HDAC4: variants seen among roughly 807,000 people sequenced by gnomAD.
HDAC4 encodes the protein histone deacetylase A.
Under a neutral mutation model 135.1 loss-of-function variants are expected in HDAC4, and 16 were observed. That is an observed-to-expected ratio of 0.12 (90% CI 0.08 to 0.18). The LOEUF (loss-of-function observed/expected upper bound fraction) is 0.18. HDAC4 is among the 10% of genes least tolerant of loss of function. HDAC4 has a pLI of 1.00. For missense variants in HDAC4, 1,143 were observed against 1,511.8 expected (o/e 0.76, Z 4.05); for synonymous variants, 685 against 653.4 (o/e 1.05, Z -0.74).
At chr2:239,362,036 G>A (rs762758150) in intron 1 of HDAC4, among the ~76,000 whole-genome samples, 5 of 152,190 alleles carry the variant, frequency 3.3e-5, no homozygotes, top group Non-Finnish European at 7.3e-5. Flanking sequence ...AATAATAGAC[G>A]AATGTGGACA....
intron 5 of HDAC4, among the ~76,000 whole-genome samples, chr2:239,174,753 G>C (rs976569078): frequency 1.3e-5 from 2 of 152,168 alleles, no homozygotes; most frequent in Non-Finnish European, 2.9e-5. Flanking sequence ...TAGAAGAAAT[G>C]ACTACATTGG....
upstream of HDAC4, chr2:239,401,346 C>T (rs1210642542): frequency 2.6e-5 from 4 of 153,062 alleles, no homozygotes; most frequent in African/African-American, 9.6e-5. Context: ...CCTCCCCGCA[C>T]GCGTCCTGGA....
At chr2:239,301,580 G>A (rs755598748) in intron 2 of HDAC4, among the ~76,000 whole-genome samples, 3 of 151,414 alleles carry the variant, frequency 2.0e-5, no homozygotes, top group Admixed American at 6.6e-5. Context: ...CTCCTAGCTC[G>A]AAGGATCCTC....
intron 15 of HDAC4, among the ~76,000 whole-genome samples, chr2:239,104,142 C>T (rs1013472939): frequency 6.6e-5 from 10 of 152,246 alleles, no homozygotes; most frequent in Non-Finnish European, 4.4e-5. Context: ...TCACATGTCC[C>T]TGGAAAGCCA....
intron 2 of HDAC4, among the ~76,000 whole-genome samples, chr2:239,294,981 G>A (rs1013416464): frequency 1.3e-5 from 2 of 152,202 alleles, no homozygotes; most frequent in Non-Finnish European, 2.9e-5. Context: ...TAGTGCTAGG[G>A]AACAGCTGCT....
At chr2:239,363,324 C>G (rs2125975321) in intron 1 of HDAC4, among the ~76,000 whole-genome samples, 1 of 152,282 alleles carries the variant, frequency 6.6e-6, no homozygotes, top group Admixed American at 6.5e-5. Context: ...CACAAAGAAC[C>G]TGAAATAGCA....
At chr2:239,213,049 C>T (rs891848254) in intron 3 of HDAC4, among the ~76,000 whole-genome samples, 1 of 152,198 alleles carries the variant, frequency 6.6e-6, no homozygotes, top group Non-Finnish European at 1.5e-5. Flanking sequence ...TCCCTGCAAT[C>T]GCCCAGGAAA....
intron 2 of HDAC4, among the ~76,000 whole-genome samples, chr2:239,350,215 T>C (rs1223416433): frequency 1.3e-5 from 2 of 151,692 alleles, no homozygotes; most frequent in African/African-American, 4.8e-5. Context: ...AAGAGAAATA[T>C]ATTATATTTT....
At chr2:239,190,803 G>C (rs1460782568) in intron 3 of HDAC4, among the ~76,000 whole-genome samples, 1 of 152,338 alleles carries the variant, frequency 6.6e-6, no homozygotes, top group African/African-American at 2.4e-5. Context: ...TAATTTTGAT[G>C]AGGAACAGAA....
intron 15 of HDAC4, among the ~76,000 whole-genome samples, chr2:239,106,823 G>A (rs990530561): frequency 6.6e-6 from 1 of 152,186 alleles, no homozygotes; most frequent in African/African-American, 2.4e-5. Flanking sequence ...CCAGCTCCAC[G>A]TGCTCACTCA....
chr2:239,194,356 TAAAA>T (rs2045220105), intron 3 of HDAC4, among the ~76,000 whole-genome samples: 5 of 152,340 alleles, frequency 3.3e-5, no homozygotes, highest in Admixed American at 3.3e-4. Flanking sequence ...AATTTCATCT[TAAAA>T]GGAATTTGTC....
chr2:239,147,470 C>T (rs913682420), intron 7 of HDAC4, among the ~76,000 whole-genome samples: 2 of 152,268 alleles, frequency 1.3e-5, no homozygotes, highest in African/African-American at 4.8e-5. Flanking sequence ...TGCAGGTAAG[C>T]CGGCACCTGG....
intron 1 of HDAC4, among the ~76,000 whole-genome samples, chr2:239,360,075 G>A (rs1388295183): frequency 2.0e-5 from 3 of 152,174 alleles, no homozygotes; most frequent in Non-Finnish European, 4.4e-5. Flanking sequence ...GGGGTAGCTG[G>A]CAAAGCAGGT....
chr2:239,323,387 C>T (rs769922487), intron 2 of HDAC4, among the ~76,000 whole-genome samples: 5 of 152,180 alleles, frequency 3.3e-5, no homozygotes, highest in Non-Finnish European at 5.9e-5. Flanking sequence ...GAGCATTTTC[C>T]TTTCTTTCAT....
chr2:239,062,888 T>C (rs2032962533), intron 24 of HDAC4, among the ~76,000 whole-genome samples: 1 of 152,194 alleles, frequency 6.6e-6, no homozygotes, highest in Non-Finnish European at 1.5e-5. Flanking sequence ...TCCTGGTACC[T>C]GCAGCCACTG....
At chr2:239,263,062 G>A (rs1351164862) in intron 2 of HDAC4, among the ~76,000 whole-genome samples, 1 of 152,188 alleles carries the variant, frequency 6.6e-6, no homozygotes, top group Non-Finnish European at 1.5e-5. Context: ...TCGGGACCAA[G>A]AGAAGATCCC....
At chr2:239,386,646 T>A (rs1028496299) in intron 1 of HDAC4, among the ~76,000 whole-genome samples, 1 of 151,970 alleles carries the variant, frequency 6.6e-6, no homozygotes, top group African/African-American at 2.4e-5. Context: ...TGTAAGGAAA[T>A]CCCATGAGCA....
chr2:239,288,791 GAC>G (rs1362731183), intron 2 of HDAC4, among the ~76,000 whole-genome samples: 1 of 152,088 alleles, frequency 6.6e-6, no homozygotes, highest in African/African-American at 2.4e-5. Flanking sequence ...ATTGAAAAAA[GAC>G]AGTAAAGAAG....
At chr2:239,276,524 G>A (rs1437868213) in intron 2 of HDAC4, among the ~76,000 whole-genome samples, 1 of 152,210 alleles carries the variant, frequency 6.6e-6, no homozygotes, top group Non-Finnish European at 1.5e-5. Flanking sequence ...TTCCTGAAAC[G>A]GCTTCACCAG....
Sources: allele counts gnomAD v4.1 joint callset (sites outside exome capture counted in the v4.1 genomes callset), GRCh38; gene constraint gnomAD v4.1.1; transcripts MANE v1.5; gene names NCBI Gene and HGNC (gene_info 2026-07-23, HGNC 2026-07-21).